SMAD4: variants seen among roughly 807,000 people sequenced by gnomAD.
SMAD4 encodes the protein MAD homolog 4.
In SMAD4, 7 loss-of-function variants were observed where a neutral mutation model predicts 63.2. That is an observed-to-expected ratio of 0.11 (90% confidence interval 0.06 to 0.21). The LOEUF is 0.21. Among genes scored for constraint, SMAD4 ranks in the 10% least tolerant of loss-of-function variants. The probability of loss-of-function intolerance (pLI) is 1.00; values close to 1 mark genes in which losing one functional copy is unlikely to be tolerated. For synonymous variants in SMAD4, 215 were observed against 235.4 expected, an observed-to-expected ratio of 0.91 and a Z score of 0.79; for missense variants, 312 against 693.8, an observed-to-expected ratio of 0.45 and a Z score of 6.18.
rs1289355742 is a variant in SMAD4, at chr18:51,030,314, GCCTTCCCGCTCTCCTCGGGAGGC to G, written c.-430_-408del. 1 of 152,704 alleles carries G rather than the reference GCCTTCCCGCTCTCCTCGGGAGGC, an allele frequency of 6.5e-6. No individual in the cohort carries two copies. The highest frequency in any genetic ancestry group is 1.5e-5 in the Non-Finnish European group (1 of 68,090). The allele number at this position is 152,704 out of a possible 1,614,324, so 9.5% of individuals were successfully genotyped here. A position where few individuals can be genotyped will look rare whatever the true frequency, so the allele number is the denominator to read the frequency against. On this transcript the variant is annotated 5_prime_UTR_variant, in exon 1 of 12. The change abolishes the stop of an existing upstream ORF in the 5' untranslated region. Transcript: ENST00000342988. ...TTTGGGTGGCGGAGCCTGCGTTCGC[GCCTTCCCGCTCTCCTCGGGAGGC>G]CCTTCCTGCTCTCCCCTAGGCTCCG...
intron 10 of SMAD4, among the ~76,000 whole-genome samples, chr18:51,068,276 A>G (rs1333136854): frequency 6.6e-6 from 1 of 152,198 alleles, no homozygotes; most frequent in Non-Finnish European, 1.5e-5. Context: ...ACATGTACCT[A>G]TCATCCAGCT....
chr18:51,059,797 T>G (rs1472486616), intron 7 of SMAD4, 69 bp from the exon 8 acceptor site: 6 of 1,136,430 alleles, frequency 5.3e-6, no homozygotes, highest in Non-Finnish European at 8.0e-6. Context: ...TAAGTAAGAT[T>G]TACTGAAAGT....
In SMAD4 at chr18:51,079,436, A is replaced by G. The variant is rs745934938; in HGVS notation, c.*969A>G. The G allele has an allele frequency of 8.1e-5, 19 of 233,378 alleles. No individual in the cohort carries two copies. Among genetic ancestry groups the G allele is most frequent in the Non-Finnish European group, 1.3e-4 (15 of 117,950 alleles). 14.5% of individuals were successfully genotyped at this position (233,378 alleles called of 1,614,324 possible). A position where few individuals can be genotyped will look rare whatever the true frequency, so the allele number is the denominator to read the frequency against. The stretch of plus-strand genomic sequence containing the variant: ...AATATTTTGGAAACTGCTAAATTCT[A>G]TGTTAAATACTGTGCAGAATAATGG... On this transcript the variant is annotated 3_prime_UTR_variant, in exon 12 of 12. Coordinates refer to ENST00000342988, the MANE Select transcript of SMAD4 (RefSeq NM_005359.6).
chr18:51,061,716 A>G (rs1910020318), intron 8 of SMAD4, among the ~76,000 whole-genome samples: 1 of 152,142 alleles, frequency 6.6e-6, no homozygotes, highest in South Asian at 2.1e-4. Context: ...TATTATTTTG[A>G]AGCAAATCCT....
chr18:51,065,612 G>T lies in SMAD4; in HGVS notation c.1139+6G>T, dbSNP rs2144448123. 6.2e-7 allele frequency: 1 copy of T among 1,610,152 alleles called. No homozygotes were observed. Among genetic ancestry groups the T allele is most frequent in the Non-Finnish European group, 8.5e-7 (1 of 1,177,298 alleles). The stretch of plus-strand genomic sequence containing the variant: ...GAAGCCATTGAGAGAGCAAGGTATT[G>T]ATTGTATAGTCAGATAGTTACTTTA... On this transcript the variant is annotated splice_donor_region_variant and intron_variant, in intron 9 of 11. Coordinates refer to ENST00000342988, the MANE Select transcript of SMAD4 (RefSeq NM_005359.6).
At chr18:51,046,784 C>A in intron 1 of SMAD4, 136 bp from the exon 2 acceptor site, 1 of 427,704 alleles carries the variant, frequency 2.3e-6, no homozygotes, top group Non-Finnish European at 4.1e-6. Flanking sequence ...AAGTAATTTT[C>A]AACTCTGAGC....
rs1239997937 is a variant in SMAD4, at chr18:51,060,080, CAT to C, written c.955+166_955+167del. Among the ~76,000 whole-genome samples the C allele has an allele frequency of 3.9e-5, 6 of 152,266 alleles. No homozygotes were observed. The South Asian group carries it at 1.2e-3, about 31-fold the overall frequency. ...AGTTTGAGTAGTCAATATAGTCACACATAGACTGTCTATATTTTATTCAGTTT... is the reference window on the plus strand; with the variant it reads ...AGTTTGAGTAGTCAATATAGTCACACAGACTGTCTATATTTTATTCAGTTT... On this transcript the variant is annotated intron_variant, in intron 8 of 11. Coordinates refer to ENST00000342988, the MANE Select transcript of SMAD4 (RefSeq NM_005359.6).
chr18:51,032,404 A>G (rs1271596787), intron 1 of SMAD4, among the ~76,000 whole-genome samples: 1 of 152,230 alleles, frequency 6.6e-6, no homozygotes, highest in Non-Finnish European at 1.5e-5. Flanking sequence ...GTGCCGAGAA[A>G]GTCACTTTGA....
In SMAD4 at chr18:51,076,769, A is replaced by G. The variant is rs1555687392; in HGVS notation, c.1440A>G (p.Pro480=). The G allele has an allele frequency of 6.2e-7, 1 of 1,608,950 alleles. No individual in the cohort carries two copies. Among genetic ancestry groups the G allele is most frequent in the Non-Finnish European group, 8.5e-7 (1 of 1,176,280 alleles). The change falls in exon 11 of 12, where the codon CCA becomes CCG. Residue 480 remains proline, a synonymous_variant. Transcript: ENST00000342988. ...PGPGSVGGIA[P]AISLSAAAGI... ...CAGGATCAGTAGGTGGAATAGCTCC[A>G]GCTATCAGTAAGTATGCTTTTCATT... is the stretch of plus-strand genomic sequence containing the variant.
chr18:51,056,345 T>C (rs547781329), intron 5 of SMAD4, among the ~76,000 whole-genome samples: 1 of 152,326 alleles, frequency 6.6e-6, no homozygotes, highest in Admixed American at 6.5e-5. Context: ...TGAGGTTGAA[T>C]CCTATTCAAA....
In SMAD4 at chr18:51,031,382, G is replaced by A. The variant is rs9961921; in HGVS notation, c.-128+759G>A. ...CCTGAAAGGTTTATTTGCTGGTGCAGAGGCTTTAAAAAGCCCTGTTGAAGA... is the reference window on the plus strand; with the variant it reads ...CCTGAAAGGTTTATTTGCTGGTGCAAAGGCTTTAAAAAGCCCTGTTGAAGA... On this transcript the variant is annotated intron_variant, in intron 1 of 11. Transcript: ENST00000342988. Among the ~76,000 whole-genome samples the A allele has an allele frequency of 9.0e-3, 1,363 of 152,288 alleles. 27 individuals carry two copies. Among genetic ancestry groups the A allele is most frequent in the African/African-American group, 0.031 (1,306 of 41,556 alleles).
intron 10 of SMAD4, among the ~76,000 whole-genome samples, chr18:51,068,659 G>T (rs184760633): frequency 6.6e-6 from 1 of 152,112 alleles, no homozygotes; most frequent in Admixed American, 6.5e-5. Flanking sequence ...TGGCTCATGC[G>T]TGTAATCTTA....
At position 51,067,118 on chromosome 18, in the gene SMAD4, C is replaced by T. The variant is rs730881954; in HGVS notation, c.1239C>T (p.Tyr413=). ...ACGCGGTCTTTGTACAGAGTTACTACTTAGACAGAGAAGCTGGGCGTGCAC... is the reference window on the plus strand; with the variant it reads ...ACGCGGTCTTTGTACAGAGTTACTATTTAGACAGAGAAGCTGGGCGTGCAC... ...SDHAVFVQSY[Y]LDREAGRAPG... Residue 413 remains tyrosine (Y), a synonymous_variant, in exon 10 of 12, where the codon TAC becomes TAT. Coordinates refer to ENST00000342988, the MANE Select transcript of SMAD4 (RefSeq NM_005359.6). The T allele has an allele frequency of 6.2e-7, 1 of 1,610,848 alleles. No homozygotes were observed. Among genetic ancestry groups the T allele is most frequent in the Non-Finnish European group, 8.5e-7 (1 of 1,177,130 alleles).
At chr18:51,063,247 T>G (rs1254867920) in intron 8 of SMAD4, among the ~76,000 whole-genome samples, 1 of 152,048 alleles carries the variant, frequency 6.6e-6, no homozygotes, top group Non-Finnish European at 1.5e-5. Flanking sequence ...GTTGTTACTG[T>G]TTTTTGTTGT....
chr18:51,041,713 A>G (rs774491963), intron 1 of SMAD4, among the ~76,000 whole-genome samples: 32 of 152,246 alleles, frequency 2.1e-4, no homozygotes, highest in Non-Finnish European at 1.9e-4. Flanking sequence ...TTCTCCTGCC[A>G]TTTAAGGACA....
In SMAD4 at chr18:51,033,763, A is replaced by G. The variant is rs1291832963; in HGVS notation, c.-128+3140A>G. 4.6e-5 allele frequency among the ~76,000 whole-genome samples: 7 copies of G among 152,236 alleles called. 1 individual carries two copies. The highest frequency in any genetic ancestry group is 1.0e-4 in the Non-Finnish European group (7 of 68,042). On this transcript the variant is annotated intron_variant, in intron 1 of 11. Coordinates refer to ENST00000342988, the MANE Select transcript of SMAD4 (RefSeq NM_005359.6). ...AAATTTGACTGAATTCCAGTTTCTC[A>G]GGAACAAGGTATTTTAGGTTGTGTC...
At chr18:51,037,042 C>T (rs1909227455) in intron 1 of SMAD4, among the ~76,000 whole-genome samples, 1 of 152,136 alleles carries the variant, frequency 6.6e-6, no homozygotes, top group Admixed American at 6.5e-5. Flanking sequence ...TGCCTGTAAT[C>T]CCAGCTACTC....
chr18:51,078,604 T>C lies in SMAD4; in HGVS notation c.*137T>C. The C allele has an allele frequency of 2.9e-6, 2 of 699,752 alleles. No individual in the cohort carries two copies. Among genetic ancestry groups the C allele is most frequent in the East Asian group, 5.3e-5 (2 of 37,728 alleles). The allele number at this position is 699,752 out of a possible 1,614,324, so 43.3% of individuals were successfully genotyped here. A position where few individuals can be genotyped will look rare whatever the true frequency, so the allele number is the denominator to read the frequency against. ...AAGGGTTGAAAATGTGTTTGCTGCC[T>C]TGCTCCTAGCAGACAGAAACTGGAT... On this transcript the variant is annotated 3_prime_UTR_variant, in exon 12 of 12. Transcript: ENST00000342988.
In SMAD4 at chr18:51,084,315, G is replaced by A; in HGVS notation, c.*5848G>A. ...CCCTTGAACCGTGTCAATTAAACTG[G>A]TTTATATGACTCAAGAAAACAATAC... On this transcript the variant is annotated 3_prime_UTR_variant, in exon 12 of 12. Transcript: ENST00000342988. 1 of 215,206 alleles carries A rather than the reference G, an allele frequency of 4.6e-6. No homozygotes were observed. Among genetic ancestry groups the A allele is most frequent in the Non-Finnish European group, 9.2e-6 (1 of 108,966 alleles). The allele number at this position is 215,206 out of a possible 1,614,324, so 13.3% of individuals were successfully genotyped here.
Sources: gnomAD v4.1 joint callset for allele counts (sites outside exome capture counted in the v4.1 genomes callset) on GRCh38, gnomAD v4.1.1 for gene constraint, MANE v1.5 for transcripts, NCBI Gene and HGNC (gene_info 2026-07-23, HGNC 2026-07-21) for gene names.